SLC4A5: variants seen among roughly 807,000 people sequenced by gnomAD.
The protein encoded by SLC4A5 is solute carrier family 4 member 5, also known as electrogenic sodium bicarbonate cotransporter 4.
SLC4A5 carries 96 observed loss-of-function variants against 120.4 expected under a neutral mutation model. The observed-to-expected ratio is 0.80, with a 90% confidence interval of 0.68 to 0.94. The LOEUF (loss-of-function observed/expected upper bound fraction) is 0.94. Among genes scored for constraint, SLC4A5 ranks in the 40% least tolerant of loss-of-function variants. The pLI, the probability that SLC4A5 is intolerant of heterozygous loss-of-function variation, is 0.00. For missense variants in SLC4A5, 1,259 were observed against 1,459.5 expected (o/e 0.86, Z 2.24); for synonymous variants, 550 against 571.1 (o/e 0.96, Z 0.53).
intron 5 of SLC4A5, among the ~76,000 whole-genome samples, chr2:74,324,411 C>T (rs1259753802): frequency 2.0e-5 from 3 of 152,132 alleles, no homozygotes; most frequent in Non-Finnish European, 4.4e-5. Flanking sequence ...CACGTGTGAG[C>T]AGCTCCAGAA....
At chr2:74,221,065 G>T (rs191191938) in intron 30 of SLC4A5, among the ~76,000 whole-genome samples, 2 of 149,944 alleles carry the variant, frequency 1.3e-5, no homozygotes, top group African/African-American at 4.9e-5. Flanking sequence ...GGATGGTCTC[G>T]ATCTCCTGAC....
At chr2:74,232,544 A>T in exon 24 of SLC4A5, 1 of 1,613,866 alleles carries the variant, frequency 6.2e-7, no homozygotes, top group Non-Finnish European at 8.5e-7. Flanking sequence ...GATGTGGGCG[A>T]TGGAGATGAC....
intron 21 of SLC4A5, among the ~76,000 whole-genome samples, chr2:74,235,623 A>C (rs1670244444): frequency 1.3e-5 from 2 of 152,164 alleles, no homozygotes; most frequent in South Asian, 4.2e-4. Context: ...CTGGACTCTG[A>C]AGCAAACCTT....
At chr2:74,332,703 TTGTGTGTGTG>T (rs3834171) in intron 4 of SLC4A5, among the ~76,000 whole-genome samples, 1 of 148,200 alleles carries the variant, frequency 6.7e-6, no homozygotes, top group Admixed American at 6.7e-5. Flanking sequence ...GGGTGTCCAT[TTGTGTGTGTG>T]TGTGTGTGTG....
intron 8 of SLC4A5, among the ~76,000 whole-genome samples, chr2:74,270,360 T>C (rs367894836): frequency 1.3e-5 from 2 of 152,280 alleles, no homozygotes; most frequent in South Asian, 2.1e-4. Flanking sequence ...TTAGAATAAC[T>C]TGGAGAGATT....
chr2:74,297,397 C>T (rs574860615), intron 7 of SLC4A5, among the ~76,000 whole-genome samples: 59 of 152,270 alleles, frequency 3.9e-4, no homozygotes, highest in Non-Finnish European at 7.2e-4. Flanking sequence ...TCCTTCCTCC[C>T]TCATCCTGGG....
At chr2:74,279,917 T>C (rs1226436023) in intron 8 of SLC4A5, among the ~76,000 whole-genome samples, 1 of 152,164 alleles carries the variant, frequency 6.6e-6, no homozygotes, top group African/African-American at 2.4e-5. Context: ...ACCCCTTCTC[T>C]CTATCCCTAC....
At chr2:74,245,440 T>C (rs1393243082) in intron 19 of SLC4A5, among the ~76,000 whole-genome samples, 2 of 152,206 alleles carry the variant, frequency 1.3e-5, no homozygotes, top group African/African-American at 4.8e-5. Context: ...GAATCTACAG[T>C]CTATAAGATA....
chr2:74,269,934 G>C (rs988760992), intron 8 of SLC4A5, among the ~76,000 whole-genome samples: 13 of 152,312 alleles, frequency 8.5e-5, no homozygotes, highest in African/African-American at 2.9e-4. Context: ...AAGACATGCA[G>C]TCCTCTCCAC....
intron 6 of SLC4A5, among the ~76,000 whole-genome samples, chr2:74,314,179 A>G (rs1672892526): frequency 6.6e-6 from 1 of 152,134 alleles, no homozygotes; most frequent in African/African-American, 2.4e-5. Flanking sequence ...CTTGGCTTCT[A>G]TCATAATCAA....
intron 8 of SLC4A5, among the ~76,000 whole-genome samples, chr2:74,285,076 A>T (rs967842848): frequency 6.6e-6 from 1 of 152,136 alleles, no homozygotes. Context: ...AGACCTTATC[A>T]CTACAAAAAA....
At chr2:74,295,096 A>T (rs1216044054) in intron 7 of SLC4A5, among the ~76,000 whole-genome samples, 1 of 152,068 alleles carries the variant, frequency 6.6e-6, no homozygotes, top group Non-Finnish European at 1.5e-5. Flanking sequence ...GACCGAGGTA[A>T]ATCATATGAC....
intron 8 of SLC4A5, among the ~76,000 whole-genome samples, chr2:74,280,290 T>C (rs982431486): frequency 6.6e-6 from 1 of 152,086 alleles, no homozygotes; most frequent in African/African-American, 2.4e-5. Context: ...AATGTGAACA[T>C]CTCTTCCTCC....
At chr2:74,249,740 G>C (rs767560073) in intron 17 of SLC4A5, among the ~76,000 whole-genome samples, 1 of 152,114 alleles carries the variant, frequency 6.6e-6, no homozygotes, top group Non-Finnish European at 1.5e-5. Flanking sequence ...GGCAGCCATG[G>C]GGAATCCTGA....
chr2:74,285,102 G>A (rs542569609), intron 8 of SLC4A5, among the ~76,000 whole-genome samples: 1 of 152,236 alleles, frequency 6.6e-6, no homozygotes, highest in African/African-American at 2.4e-5. Flanking sequence ...ATAATTAGCT[G>A]GATGCAGTGG....
At chr2:74,228,129 G>A (rs1008792435) in intron 25 of SLC4A5, among the ~76,000 whole-genome samples, 11 of 152,158 alleles carry the variant, frequency 7.2e-5, no homozygotes, top group East Asian at 1.9e-4. Context: ...TCACTGCACC[G>A]TGCGGAGGCC....
At chr2:74,277,229 G>T (rs1183728791) in intron 8 of SLC4A5, among the ~76,000 whole-genome samples, 1 of 152,190 alleles carries the variant, frequency 6.6e-6, no homozygotes, top group East Asian at 1.9e-4. Context: ...GGAGATGCTG[G>T]GTGGGGGGCT....
rs754943633 is a variant in SLC4A5 at position 74,259,586 on chromosome 2, A to G, written c.867+2T>C. ...TGCAGCTAAGTGCAGGGGTTTTACT[A>G]CCTGGTCTGTGTTTGGGGTGAGAGA... On this transcript the variant is annotated splice_donor_variant, in intron 12 of 30. Coordinates refer to ENST00000394019, the Ensembl canonical transcript of SLC4A5. LOFTEE classifies it high-confidence loss of function. The G allele has an allele frequency of 1.9e-6, 3 of 1,613,906 alleles. No homozygotes were observed. The highest frequency in any genetic ancestry group is 2.5e-6 in the Non-Finnish European group (3 of 1,179,990).
chr2:74,233,874 TAACA>T (rs1645383542), intron 22 of SLC4A5, among the ~76,000 whole-genome samples: 1 of 151,966 alleles, frequency 6.6e-6, no homozygotes, highest in African/African-American at 2.4e-5. Context: ...CTGCTGCAAA[TAACA>T]AACAGCAGGA....
Sources: allele counts gnomAD v4.1 joint callset (sites outside exome capture counted in the v4.1 genomes callset), GRCh38; gene constraint gnomAD v4.1.1; transcripts MANE v1.5; gene names NCBI Gene and HGNC (gene_info 2026-07-23, HGNC 2026-07-21).